COLEC10: variants seen among roughly 807,000 people sequenced by gnomAD.
COLEC10 encodes the protein collectin-10.
A neutral mutation model predicts 28.4 loss-of-function variants in COLEC10; 22 were observed. The observed-to-expected ratio is 0.78, with a 90% CI of 0.55 to 1.11. COLEC10 has a LOEUF of 1.11. Ranked by LOEUF, COLEC10 falls within the 50% of genes least tolerant of loss-of-function variation. The pLI, the probability that COLEC10 is intolerant of heterozygous loss-of-function variation, is 0.00. For synonymous variants in COLEC10, 125 were observed against 116.1 expected (o/e 1.08, Z -0.49); for missense variants, 361 against 344.1 (o/e 1.05, Z -0.39).
chr8:119,074,802 T>A (rs1422525470), intron 1 of COLEC10, among the ~76,000 whole-genome samples: 4 of 152,204 alleles, frequency 2.6e-5, no homozygotes, highest in Non-Finnish European at 5.9e-5. Flanking sequence ...TGGCGTTCCT[T>A]ATTAGTAAAA....
the COLEC10 span, among the ~76,000 whole-genome samples, chr8:118,983,092 C>T: frequency 6.6e-6 from 1 of 152,196 alleles, no homozygotes. Flanking sequence ...TACATCTTTG[C>T]TGTTGCTCTG....
chr8:119,039,198 G>A (rs994244988), intron 2 of COLEC10, among the ~76,000 whole-genome samples: 8 of 151,848 alleles, frequency 5.3e-5, no homozygotes, highest in Admixed American at 5.3e-4. Flanking sequence ...TCTTTCTTCC[G>A]CTTTAGTCCC....
chr8:119,014,849 T>C (rs1445774405), intron 2 of COLEC10, among the ~76,000 whole-genome samples: 2 of 151,130 alleles, frequency 1.3e-5, no homozygotes, highest in African/African-American at 4.9e-5. Flanking sequence ...CTGTGTCCAG[T>C]CCATTAATAA....
chr8:119,091,573 A>AAGAGAGAGAGAGAGAGAG (rs765113777), intron 3 of COLEC10, among the ~76,000 whole-genome samples: 1 of 140,556 alleles, frequency 7.1e-6, no homozygotes. Flanking sequence ...GAAAGAAAGA[A>AAGAGAGAGAGAGAGAGAG]AGAGAGAGAG....
chr8:119,042,106 C>T (rs1214977374), intron 2 of COLEC10, among the ~76,000 whole-genome samples: 2 of 151,698 alleles, frequency 1.3e-5, no homozygotes, highest in Admixed American at 6.6e-5. Flanking sequence ...CAAGCAATTC[C>T]CCTGTTTCAG....
chr8:119,046,315 A>T lies in COLEC10; in HGVS notation n.235+36762A>T, dbSNP rs569528161. The stretch of plus-strand genomic sequence containing the variant: ...ATGTCTGGCTCTAGGCTATTTGTAG[A>T]TTTATCCTACTCAACGTGTGTCACT... On this transcript the variant is annotated intron_variant and non_coding_transcript_variant, in intron 2 of 6. Coordinates refer to the COLEC10 transcript ENST00000521788. Among the ~76,000 whole-genome samples, 68 of 152,078 alleles carry T rather than the reference A, an allele frequency of 4.5e-4. 1 individual carries two copies. The highest frequency in any genetic ancestry group is 1.9e-4 in the Non-Finnish European group (13 of 67,990).
intron 2 of COLEC10, among the ~76,000 whole-genome samples, chr8:119,050,657 G>GA (rs748530260): frequency 9.2e-5 from 14 of 152,252 alleles, no homozygotes; most frequent in Non-Finnish European, 1.9e-4. Context: ...AACTCATGTG[G>GA]AAAAAATGTA....
chr8:118,976,701 T>C, the COLEC10 span: 2 of 152,178 alleles, frequency 1.3e-5, no homozygotes, highest in African/African-American at 2.4e-5. Flanking sequence ...AAGGACTTCA[T>C]GTCTAAAACA....
the COLEC10 span, among the ~76,000 whole-genome samples, chr8:118,985,562 T>C: frequency 3.9e-5 from 6 of 151,910 alleles, no homozygotes; most frequent in Non-Finnish European, 7.4e-5. Context: ...TTTCCACATA[T>C]GTTATAAGAT....
At chr8:119,005,834 C>T (rs964056583) in intron 1 of COLEC10, among the ~76,000 whole-genome samples, 2 of 151,962 alleles carry the variant, frequency 1.3e-5, no homozygotes, top group South Asian at 2.1e-4. Flanking sequence ...TGATGAGGTG[C>T]AGGTAGAAGG....
intron 2 of COLEC10, among the ~76,000 whole-genome samples, chr8:119,011,651 T>C (rs936098475): frequency 2.7e-5 from 4 of 150,918 alleles, no homozygotes; most frequent in Admixed American, 6.6e-5. Flanking sequence ...GTTTTGTGGT[T>C]TTCTTTATAC....
chr8:118,994,270 C>A (rs569153910), upstream of COLEC10, among the ~76,000 whole-genome samples: 10 of 152,172 alleles, frequency 6.6e-5, no homozygotes, highest in Admixed American at 2.6e-4. Flanking sequence ...AACAGTTTAC[C>A]TGTGAAGTGG....
At chr8:119,049,401 C>CTTTTTTTTTTTTTTTT (rs34885340) in intron 2 of COLEC10, among the ~76,000 whole-genome samples, 1 of 60,072 alleles carries the variant, frequency 1.7e-5, no homozygotes, top group African/African-American at 7.3e-5. Flanking sequence ...ATTTTCTTTT[C>CTTTTTTTTTTTTTTTT]TTTTTTTTTT....
intron 1 of COLEC10, among the ~76,000 whole-genome samples, chr8:118,999,883 A>T (rs530483887): frequency 4.9e-5 from 7 of 143,338 alleles, no homozygotes; most frequent in African/African-American, 1.9e-4. Context: ...AAGTGGAAGC[A>T]ATGAATACAG....
rs1430284373 is a variant in COLEC10, at chr8:119,015,514, A to G, written n.235+5961A>G. 2.1e-5 allele frequency among the ~76,000 whole-genome samples: 3 copies of G among 144,406 alleles called. 1 individual carries two copies. Among genetic ancestry groups the G allele is most frequent in the African/African-American group, 5.9e-5 (2 of 34,170 alleles). 94.7% of individuals were successfully genotyped at this position (144,406 alleles called of 152,430 possible). On this transcript the variant is annotated intron_variant and non_coding_transcript_variant, in intron 2 of 6. Transcript: ENST00000521788. ...TTTCTTTTCCCCTCCCTGTGCTAGA[A>G]ACATGAGGGGATTTTCTTCCATATA...
At chr8:119,023,791 CA>C (rs1317749496) in intron 2 of COLEC10, among the ~76,000 whole-genome samples, 1 of 152,074 alleles carries the variant, frequency 6.6e-6, no homozygotes, top group Non-Finnish European at 1.5e-5. Flanking sequence ...ATGAAAGCTA[CA>C]ATTGTATGCC....
chr8:119,001,695 G>T (rs867310604), intron 1 of COLEC10, among the ~76,000 whole-genome samples: 1 of 130,790 alleles, frequency 7.6e-6, no homozygotes, highest in Middle Eastern at 3.9e-3. Context: ...CCAGACACCA[G>T]CCAAAACAGT....
At chr8:119,085,747 A>G (rs1163521829) in intron 1 of COLEC10, among the ~76,000 whole-genome samples, 1 of 151,738 alleles carries the variant, frequency 6.6e-6, no homozygotes, top group Non-Finnish European at 1.5e-5. Flanking sequence ...CCTCCTGAGT[A>G]ACTGGGATTA....
At position 119,025,196 on chromosome 8, in the gene COLEC10, G is replaced by A. The variant is rs1814168909; in HGVS notation, n.235+15643G>A. On this transcript the variant is annotated intron_variant and non_coding_transcript_variant, in intron 2 of 6. Transcript: ENST00000521788. ...GATCTTTGCTTTCTAAAACTAAATG[G>A]AAAGAAAGGGATACTGAAGAATCTG... Among the ~76,000 whole-genome samples, 4 of 152,238 alleles carry A rather than the reference G, an allele frequency of 2.6e-5. No individual in the cohort carries two copies. In the South Asian group the frequency reaches 8.3e-4, roughly 32 times the overall value.
Sources: gnomAD v4.1 joint callset for allele counts (sites outside exome capture counted in the v4.1 genomes callset) on GRCh38, gnomAD v4.1.1 for gene constraint, MANE v1.5 for transcripts, NCBI Gene and HGNC (gene_info 2026-07-23, HGNC 2026-07-21) for gene names.